The following TDRD3 variants were observed in gnomAD, a reference collection of about 807,000 sequenced individuals.
TDRD3 encodes the protein tudor domain containing 3.
In TDRD3, 45 loss-of-function variants were observed where a neutral mutation model predicts 86.7. That is an observed-to-expected ratio of 0.52 (90% CI 0.41 to 0.67). The LOEUF (loss-of-function observed/expected upper bound fraction) is 0.67, where lower values mean the gene tolerates loss of function less well. TDRD3 is among the 30% of genes least tolerant of loss of function. The probability of loss-of-function intolerance (pLI) is 0.00; values close to 1 mark genes in which losing one functional copy is unlikely to be tolerated. For synonymous variants in TDRD3, 298 were observed against 301.7 expected, an observed-to-expected ratio of 0.99 and a Z score of 0.13; for missense variants, 814 against 889.0, an observed-to-expected ratio of 0.92 and a Z score of 1.07.
At chr13:60,534,808 G>C (rs1313298313) in intron 11 of TDRD3, among the ~76,000 whole-genome samples, 1 of 151,110 alleles carries the variant, frequency 6.6e-6, no homozygotes, top group Non-Finnish European at 1.5e-5. Context: ...CACACCTGTA[G>C]TCCCAGCTTC....
chr13:60,451,825 G>A (rs989762432), intron 3 of TDRD3, among the ~76,000 whole-genome samples: 5 of 151,934 alleles, frequency 3.3e-5, no homozygotes, highest in African/African-American at 9.7e-5. Context: ...TTCTTCCTTA[G>A]GCTATTCTCT....
chr13:60,529,361 A>G, intron 11 of TDRD3, 144 bp downstream of exon 11: 1 of 808,280 alleles, frequency 1.2e-6, no homozygotes, highest in Non-Finnish European at 1.8e-6. Flanking sequence ...TTATAGATAT[A>G]TAAAGGATAA....
At chr13:60,433,740 A>G (rs530616915) in intron 1 of TDRD3, among the ~76,000 whole-genome samples, 1 of 152,372 alleles carries the variant, frequency 6.6e-6, no homozygotes, top group Non-Finnish European at 1.5e-5. Context: ...AATCTGACGC[A>G]GTAACTGCTT....
intron 10 of TDRD3, among the ~76,000 whole-genome samples, chr13:60,527,659 C>T (rs979405956): frequency 5.9e-5 from 9 of 152,102 alleles, no homozygotes; most frequent in South Asian, 2.1e-4. Flanking sequence ...ATATTTATCA[C>T]GTTATTTCTT....
At chr13:60,397,431 C>CGGGCCGCGGGTGCGGGCCG (rs764177348) in intron 1 of TDRD3, 26 bp downstream of exon 1, 1 of 1,477,518 alleles carries the variant, frequency 6.8e-7, no homozygotes, top group South Asian at 1.3e-5. Flanking sequence ...CGCCGGCTGC[C>CGGGCCGCGGGTGCGGGCCG]GGGCCGCGGG....
chr13:60,420,827 C>T (rs1234794570), intron 1 of TDRD3, among the ~76,000 whole-genome samples: 2 of 152,044 alleles, frequency 1.3e-5, no homozygotes, highest in Admixed American at 6.6e-5. Flanking sequence ...GCCTGTAGTC[C>T]CAGCTACTCG....
At chr13:60,423,062 C>T (rs1482003987) in intron 1 of TDRD3, among the ~76,000 whole-genome samples, 1 of 152,000 alleles carries the variant, frequency 6.6e-6, no homozygotes, top group Non-Finnish European at 1.5e-5. Flanking sequence ...TGAAACAAGT[C>T]AAATAAAAGC....
At chr13:60,456,985 C>T (rs554007045) in intron 3 of TDRD3, among the ~76,000 whole-genome samples, 24 of 152,184 alleles carry the variant, frequency 1.6e-4, no homozygotes, top group Middle Eastern at 6.8e-3. Context: ...TGTGAGTCAC[C>T]GCACCCAGCC....
intron 8 of TDRD3, among the ~76,000 whole-genome samples, chr13:60,496,343 A>ATATATATATATATC (rs1339973715): frequency 3.3e-5 from 3 of 91,582 alleles, no homozygotes; most frequent in Admixed American, 1.2e-4. Flanking sequence ...ATATATATAT[A>ATATATATATATATC]TCCTCTAAAG....
intron 1 of TDRD3, among the ~76,000 whole-genome samples, chr13:60,400,314 T>A (rs1359213163): frequency 6.6e-6 from 1 of 152,270 alleles, no homozygotes; most frequent in African/African-American, 2.4e-5. Context: ...TATAAAATTC[T>A]ACTCACAGGA....
Position 60,397,259 on chromosome 13 carries a change from TTTC to T in TDRD3, c.-103_-101del, listed in dbSNP as rs200709122. On this transcript the variant is annotated 5_prime_UTR_variant, in exon 1 of 14. Coordinates refer to ENST00000377881, the MANE Select transcript of TDRD3 (RefSeq NM_001146070.2). ...GTTGCAGAGCCGACCAGAGGAGTTT[TTTC>T]TTTTCTTTTCTTTTTTTTTTTTTAA... 2,016 of 657,102 alleles carry T rather than the reference TTTC, an allele frequency of 3.1e-3. 43 individuals are homozygous for T. The African/African-American group carries it at 0.035, about 11-fold the overall frequency. 40.7% of individuals were successfully genotyped at this position (657,102 alleles called of 1,614,324 possible).
At chr13:60,436,921 A>G (rs1955125657) in intron 1 of TDRD3, among the ~76,000 whole-genome samples, 1 of 152,164 alleles carries the variant, frequency 6.6e-6, no homozygotes. Context: ...GAACAGCATG[A>G]CTGCTTTTAT....
intron 5 of TDRD3, among the ~76,000 whole-genome samples, chr13:60,477,621 TAAG>T (rs1181657527): frequency 1.3e-5 from 2 of 152,178 alleles, no homozygotes; most frequent in Non-Finnish European, 2.9e-5. Context: ...CTGCATCTAT[TAAG>T]ATGATTATGT....
chr13:60,544,459 A>G lies in TDRD3; in HGVS notation c.2118+9226A>G, dbSNP rs201827844. Among the ~76,000 whole-genome samples, 3 of 143,352 alleles carry G rather than the reference A, an allele frequency of 2.1e-5. No homozygotes were observed. The East Asian group carries it at 5.9e-4, about 28-fold the overall frequency. The allele number at this position is 143,352 out of a possible 152,430, so 94.0% of individuals were successfully genotyped here. ...ATATCTCTTTAAAAAAAAAAAAAAA[A>G]GAAAGAAAGAAAAAAGAAAAGAAAA... On this transcript the variant is annotated intron_variant, in intron 12 of 13. Coordinates refer to ENST00000377881, the MANE Select transcript of TDRD3 (RefSeq NM_001146070.2).
At chr13:60,495,498 T>C (rs927252758) in intron 8 of TDRD3, among the ~76,000 whole-genome samples, 1 of 151,876 alleles carries the variant, frequency 6.6e-6, no homozygotes, top group African/African-American at 2.4e-5. Context: ...CATTTCACTC[T>C]TGTTGCCCAG....
chr13:60,431,304 G>A (rs745981528), intron 1 of TDRD3, among the ~76,000 whole-genome samples: 2 of 151,932 alleles, frequency 1.3e-5, no homozygotes, highest in African/African-American at 2.4e-5. Flanking sequence ...TCATCTAGTG[G>A]TGCTTTCAAG....
rs996941700 is a variant in TDRD3, at chr13:60,529,137, G to A, written c.1912G>A (p.Glu638Lys). The stretch of plus-strand genomic sequence containing the variant: ...GCCAATTAAGCCAGAAAAAATACTA[G>A]AATCATCTATTCCTATGGAGTATGC... ...SGPIKPEKILESSIPMEYAKM... is the reference protein window; with the variant it reads ...SGPIKPEKILKSSIPMEYAKM... Residue 638 changes from glutamate (E) to lysine (K), a missense_variant, in exon 11 of 14, where the codon GAA (glutamate) becomes AAA (lysine). Physicochemically the swap from Glu to Lys is moderately conservative, Grantham distance 56. Transcript: ENST00000377881. 2 of 1,613,746 alleles carry A rather than the reference G, an allele frequency of 1.2e-6. No homozygotes were observed. Among genetic ancestry groups the A allele is most frequent in the East Asian group, 2.2e-5 (1 of 44,874 alleles).
intron 12 of TDRD3, chr13:60,547,232 C>CTTGG: frequency 1.0e-6 from 1 of 985,380 alleles, no homozygotes; most frequent in African/African-American, 1.7e-5. Context: ...TTTTGCCATT[C>CTTGG]TTGGACCCAA....
chr13:60,450,282 CTT>C (rs1955506124), intron 3 of TDRD3, among the ~76,000 whole-genome samples: 1 of 152,110 alleles, frequency 6.6e-6, no homozygotes, highest in Non-Finnish European at 1.5e-5. Flanking sequence ...TTCTTGACCT[CTT>C]TTGAGCAGAA....
Sources: allele counts gnomAD v4.1 joint callset (sites outside exome capture counted in the v4.1 genomes callset), GRCh38; gene constraint gnomAD v4.1.1; transcripts MANE v1.5; gene names NCBI Gene and HGNC (gene_info 2026-07-23, HGNC 2026-07-21).